The following NF1 variants were observed in gnomAD, a reference collection of about 807,000 sequenced individuals.
NF1 encodes neurofibromin.
A neutral mutation model predicts 325.7 loss-of-function variants in NF1; 122 were observed. That is an observed-to-expected ratio of 0.37 (90% CI 0.32 to 0.44). The LOEUF is 0.44. Among genes scored for constraint, NF1 ranks in the 20% least tolerant of loss-of-function variants. The pLI, the probability that NF1 is intolerant of heterozygous loss-of-function variation, is 1.00. For synonymous variants in NF1, 1,091 were observed against 1,186.0 expected, an observed-to-expected ratio of 0.92 and a Z score of 1.65; for missense variants, 2,140 against 3,415.4, an observed-to-expected ratio of 0.63 and a Z score of 9.31.
At chr17:31,352,136 G>A in intron 50 of NF1, 121 bp from the exon 51 acceptor site, 1 of 893,568 alleles carries the variant, frequency 1.1e-6, no homozygotes, top group Non-Finnish European at 1.8e-6. Context: ...CCTTTAAAGT[G>A]CAATTTTAAA....
chr17:31,142,489 A>G lies in NF1; in HGVS notation c.61-13494A>G, dbSNP rs182617835. ...ATTCTAGGCATAATTATTTTCTTAT[A>G]TGTGTTTCAGTATTACTTTTTTTGT... On this transcript the variant is annotated intron_variant, in intron 1 of 57. Coordinates refer to ENST00000358273, the MANE Select transcript of NF1 (RefSeq NM_001042492.3). Among the ~76,000 whole-genome samples the G allele has an allele frequency of 6.6e-5, 10 of 152,218 alleles. No individual in the cohort carries two copies. The East Asian group carries it at 1.9e-3, about 29-fold the overall frequency.
chr17:31,208,823 A>G (rs1196272915), intron 12 of NF1, among the ~76,000 whole-genome samples: 1 of 152,078 alleles, frequency 6.6e-6, no homozygotes, highest in East Asian at 1.9e-4. Context: ...CCTGGGAGGC[A>G]GAGGTTGCAG....
intron 57 of NF1, among the ~76,000 whole-genome samples, chr17:31,372,236 G>A (rs1343708972): frequency 1.3e-5 from 2 of 152,128 alleles, no homozygotes; most frequent in Non-Finnish European, 2.9e-5. Flanking sequence ...TATTTTGGCA[G>A]ATGTTTACCC....
intron 8 of NF1, among the ~76,000 whole-genome samples, chr17:31,198,918 C>T (rs1204810355): frequency 3.9e-5 from 6 of 151,912 alleles, no homozygotes; most frequent in Admixed American, 6.6e-5. Context: ...TGCATCTGGC[C>T]GTGTCACCAC....
intron 15 of NF1, chr17:31,222,621 A>G (rs1009581487): frequency 1.4e-6 from 1 of 713,280 alleles, no homozygotes; most frequent in African/African-American, 1.9e-5. Flanking sequence ...TACTACATTA[A>G]AGAGTAAAAA....
chr17:31,157,565 T>C (rs1196691088), intron 2 of NF1, among the ~76,000 whole-genome samples: 1 of 152,162 alleles, frequency 6.6e-6, no homozygotes, highest in African/African-American at 2.4e-5. Context: ...ATATAATACA[T>C]AGTGATCCCA....
chr17:31,230,511 T>A, intron 23 of NF1, 129 bp downstream of exon 23: 1 of 1,160,774 alleles, frequency 8.6e-7, no homozygotes, highest in Non-Finnish European at 1.3e-6. Context: ...ACATGTTTGT[T>A]TTTCTCTACA....
At chr17:31,175,107 C>CAAAAAAAAAAAAAAAAAAAAAAAAAAAA (rs1171161386) in intron 5 of NF1, among the ~76,000 whole-genome samples, 1 of 29,042 alleles carries the variant, frequency 3.4e-5, no homozygotes, top group African/African-American at 1.6e-4. Context: ...GACTCCATCT[C>CAAAAAAAAAAAAAAAAAAAAAAAAAAAA]AAAAAAAAAA....
chr17:31,356,670 A>G lies in NF1; in HGVS notation c.7738+88A>G, dbSNP rs17885449. On this transcript the variant is annotated intron_variant, in intron 52 of 57. Transcript: ENST00000358273. ...GTTTATTTTCCAGCCATTTCTTAGA[A>G]TCTTTAGAGTGAAATATAGAAACGT... 5 of 1,557,588 alleles carry G rather than the reference A, an allele frequency of 3.2e-6. No homozygotes were observed. The Admixed American group carries it at 9.1e-5, about 28-fold the overall frequency.
intron 1 of NF1, among the ~76,000 whole-genome samples, chr17:31,150,412 G>C (rs1253030171): frequency 6.6e-6 from 1 of 152,002 alleles, no homozygotes; most frequent in African/African-American, 2.4e-5. Flanking sequence ...TTTTTGTTCT[G>C]GTGGTTACCA....
chr17:31,196,435 C>T (rs1480548311), intron 8 of NF1, among the ~76,000 whole-genome samples: 1 of 152,020 alleles, frequency 6.6e-6, no homozygotes, highest in Non-Finnish European at 1.5e-5. Flanking sequence ...TGGTTATTCA[C>T]CCCTTATGAG....
intron 8 of NF1, among the ~76,000 whole-genome samples, chr17:31,199,135 T>C (rs2066483461): frequency 6.6e-6 from 1 of 152,132 alleles, no homozygotes; most frequent in African/African-American, 2.4e-5. Flanking sequence ...TTTGGTGTAG[T>C]TTACTCTTTT....
intron 1 of NF1, among the ~76,000 whole-genome samples, chr17:31,134,074 C>G (rs1393900495): frequency 6.6e-6 from 1 of 152,082 alleles, no homozygotes; most frequent in African/African-American, 2.4e-5. Flanking sequence ...AGTACAGTAT[C>G]ATGAGCATAG....
At chr17:31,183,267 A>G (rs1001001348) in intron 8 of NF1, 3 of 168,366 alleles carry the variant, frequency 1.8e-5, no homozygotes, top group African/African-American at 7.1e-5. Flanking sequence ...TGAAATTTCA[A>G]TATGCAGTTT....
Position 31,358,914 on chromosome 17 carries a change from G to T in NF1, c.8114-55G>T. 8 of 1,451,202 alleles carry T rather than the reference G, an allele frequency of 5.5e-6. No individual in the cohort carries two copies. The Admixed American group carries it at 1.3e-4, about 24-fold the overall frequency. 89.9% of individuals were successfully genotyped at this position (1,451,202 alleles called of 1,614,324 possible). A position where few individuals can be genotyped will look rare whatever the true frequency, so the allele number is the denominator to read the frequency against. ...CAGCTATATGACTTATTTAATTTCT[G>T]TTACAATTAAAAGATACCTTGCTTG... On this transcript the variant is annotated intron_variant, in intron 55 of 57. Coordinates refer to ENST00000358273, the MANE Select transcript of NF1 (RefSeq NM_001042492.3).
intron 36 of NF1, chr17:31,305,308 G>A: frequency 6.2e-7 from 1 of 1,614,166 alleles, no homozygotes; most frequent in Non-Finnish European, 8.5e-7. Flanking sequence ...GTAGGCAAGT[G>A]GTTGTCCAGC....
At chr17:31,328,739 C>T (rs2069408666) in intron 38 of NF1, among the ~76,000 whole-genome samples, 1 of 151,966 alleles carries the variant, frequency 6.6e-6, no homozygotes, top group African/African-American at 2.4e-5. Context: ...AAAATTTTCC[C>T]TGAGGATAAC....
intron 3 of NF1, among the ~76,000 whole-genome samples, chr17:31,160,091 A>G (rs191169165): frequency 1.6e-4 from 24 of 152,176 alleles, no homozygotes; most frequent in Admixed American, 4.6e-4. Context: ...ATATGTATAT[A>G]TATTTTTCTT....
chr17:31,341,617 G>GTGTGTGTGTA (rs35130430), intron 47 of NF1, among the ~76,000 whole-genome samples: 24,497 of 148,218 alleles, frequency 0.17, 2,525 homozygotes, highest in Non-Finnish European at 0.23. Flanking sequence ...GTGTGTGTGT[G>GTGTGTGTGTA]TGTACACACA....
Sources: allele counts gnomAD v4.1 joint callset (sites outside exome capture counted in the v4.1 genomes callset), GRCh38; gene constraint gnomAD v4.1.1; transcripts MANE v1.5; gene names NCBI Gene and HGNC (gene_info 2026-07-23, HGNC 2026-07-21).